AP3B1: variants seen among roughly 807,000 people sequenced by gnomAD.
AP3B1 encodes adaptor related protein complex 3 subunit beta 1.
Under a neutral mutation model 132.5 loss-of-function variants are expected in AP3B1, and 61 were observed. That is an observed-to-expected ratio of 0.46 (90% CI 0.37 to 0.57). The LOEUF (loss-of-function observed/expected upper bound fraction) is 0.57. Ranked by LOEUF, AP3B1 falls within the 20% of genes least tolerant of loss-of-function variation. The pLI, the probability that AP3B1 is intolerant of heterozygous loss-of-function variation, is 0.00. For missense variants in AP3B1, 1,120 were observed against 1,289.4 expected (o/e 0.87, Z 2.01); for synonymous variants, 388 against 438.3 (o/e 0.89, Z 1.43).
chr5:78,110,162 A>G (rs1397975454), intron 20 of AP3B1, 45 bp downstream of exon 20: 1 of 1,539,306 alleles, frequency 6.5e-7, no homozygotes, highest in Non-Finnish European at 8.9e-7. Flanking sequence ...TTTAGTTGCT[A>G]TAAGAATATT....
At chr5:78,193,750 A>ATATATCTATATC in intron 7 of AP3B1, among the ~76,000 whole-genome samples, 1 of 115,898 alleles carries the variant, frequency 8.6e-6, no homozygotes, top group Non-Finnish European at 1.8e-5. Flanking sequence ...TTTTTTATAT[A>ATATATCTATATC]TATATATATA....
chr5:78,029,796 G>A (rs1258205172), intron 24 of AP3B1, among the ~76,000 whole-genome samples: 1 of 152,036 alleles, frequency 6.6e-6, no homozygotes, highest in South Asian at 2.1e-4. Context: ...GCCACCACAC[G>A]CAGCTCTGAT....
At chr5:78,026,774 C>T (rs1747356353) in intron 24 of AP3B1, among the ~76,000 whole-genome samples, 1 of 152,212 alleles carries the variant, frequency 6.6e-6, no homozygotes, top group Non-Finnish European at 1.5e-5. Flanking sequence ...ATGTTTTTCT[C>T]TACCTTCCTG....
At chr5:78,007,590 C>T (rs542976796) in intron 26 of AP3B1, among the ~76,000 whole-genome samples, 1 of 152,274 alleles carries the variant, frequency 6.6e-6, no homozygotes, top group Admixed American at 6.5e-5. Flanking sequence ...GTAATGAAGT[C>T]GCACGATCAT....
At chr5:78,017,445 C>A (rs1421816536) in intron 25 of AP3B1, among the ~76,000 whole-genome samples, 3 of 151,874 alleles carry the variant, frequency 2.0e-5, no homozygotes, top group South Asian at 2.1e-4. Context: ...AATGTATTGT[C>A]TCGATTGCTG....
chr5:78,212,646 A>C (rs1745790006), intron 7 of AP3B1, among the ~76,000 whole-genome samples: 1 of 152,176 alleles, frequency 6.6e-6, no homozygotes, highest in African/African-American at 2.4e-5. Flanking sequence ...CAACACATTC[A>C]AGTGTTGATG....
chr5:78,228,298 CTA>C (rs1473849806), intron 3 of AP3B1, 59 bp from the exon 4 acceptor site: 2 of 1,206,998 alleles, frequency 1.7e-6, no homozygotes, highest in African/African-American at 3.0e-5. Context: ...TCAGTATTTG[CTA>C]TACCAAAATC....
chr5:78,071,775 A>G (rs1448794058), intron 22 of AP3B1, among the ~76,000 whole-genome samples: 1 of 152,154 alleles, frequency 6.6e-6, no homozygotes, highest in Non-Finnish European at 1.5e-5. Context: ...ATATTATTAC[A>G]TCTATATTTC....
chr5:78,294,127 G>T (rs1361116038), intron 1 of AP3B1, among the ~76,000 whole-genome samples: 1 of 152,164 alleles, frequency 6.6e-6, no homozygotes, highest in Non-Finnish European at 1.5e-5. Flanking sequence ...ACTAGAAGAC[G>T]ATGCTCAAAA....
chr5:78,294,687 G>T lies in AP3B1; in HGVS notation c.-108C>A. ...CTAGTTCTCGTACGGAGGAGCGCGC[G>T]CAGGCGCTTCCGGACTCGTCACGGC... On this transcript the variant is annotated 5_prime_UTR_variant, in exon 1 of 27. Coordinates refer to ENST00000255194, the MANE Select transcript of AP3B1 (RefSeq NM_003664.5). 6.4e-7 allele frequency: 1 copy of T among 1,569,314 alleles called. No homozygotes were observed. Among genetic ancestry groups the T allele is most frequent in the Non-Finnish European group, 8.7e-7 (1 of 1,152,416 alleles).
chr5:78,257,919 G>C (rs1458631870), intron 2 of AP3B1, among the ~76,000 whole-genome samples: 1 of 152,076 alleles, frequency 6.6e-6, no homozygotes, highest in Non-Finnish European at 1.5e-5. Context: ...GGAAAAGACA[G>C]TCTCTAATAA....
intron 2 of AP3B1, among the ~76,000 whole-genome samples, chr5:78,244,104 GA>G (rs1402938434): frequency 6.6e-6 from 1 of 152,172 alleles, no homozygotes; most frequent in Non-Finnish European, 1.5e-5. Flanking sequence ...ATATAAGAAA[GA>G]AGGGACATGA....
intron 22 of AP3B1, among the ~76,000 whole-genome samples, chr5:78,085,126 C>T (rs1750184777): frequency 1.3e-5 from 2 of 152,256 alleles, no homozygotes; most frequent in African/African-American, 2.4e-5. Context: ...ATTTTGATGG[C>T]TTTTTATACA....
At position 78,153,308 on chromosome 5, in the gene AP3B1, C is replaced by T. The variant is rs78947285; in HGVS notation, c.1473+2950G>A. ...AATAATGACCTTGTCTCTTCCTACA[C>T]TTTTTGTCTTTTATAAGTGTAGGAA... On this transcript the variant is annotated intron_variant, in intron 14 of 26. Transcript: ENST00000255194. 1.9e-3 allele frequency among the ~76,000 whole-genome samples: 285 copies of T among 152,118 alleles called. 1 individual carries two copies. Among genetic ancestry groups the T allele is most frequent in the African/African-American group, 6.6e-3 (272 of 41,526 alleles).
chr5:78,040,409 T>G (rs1429525279), intron 22 of AP3B1, among the ~76,000 whole-genome samples: 1 of 152,226 alleles, frequency 6.6e-6, no homozygotes, highest in Non-Finnish European at 1.5e-5. Flanking sequence ...TTTTATTTTT[T>G]GTAGACCTAC....
At chr5:78,207,149 T>C (rs185234511) in intron 7 of AP3B1, among the ~76,000 whole-genome samples, 156 of 151,748 alleles carry the variant, frequency 1.0e-3, no homozygotes, top group African/African-American at 3.6e-3. Context: ...TCCCAGCTAC[T>C]TGGGAGGCTG....
chr5:78,092,876 C>G (rs1004593456), intron 21 of AP3B1, among the ~76,000 whole-genome samples: 3 of 152,178 alleles, frequency 2.0e-5, no homozygotes. Flanking sequence ...TCTCGAACTC[C>G]CAACTTCAAG....
At chr5:78,039,765 G>A (rs1161674190) in intron 22 of AP3B1, among the ~76,000 whole-genome samples, 5 of 132,890 alleles carry the variant, frequency 3.8e-5, no homozygotes, top group African/African-American at 8.7e-5. Context: ...GCGACAGAGC[G>A]AGACTCCGTC....
At chr5:78,134,295 A>G (rs1369985409) in intron 15 of AP3B1, among the ~76,000 whole-genome samples, 1 of 152,068 alleles carries the variant, frequency 6.6e-6, no homozygotes, top group Non-Finnish European at 1.5e-5. Flanking sequence ...CTTAAAATAT[A>G]GTCCTAATAT....
Sources: gnomAD v4.1 joint callset for allele counts (sites outside exome capture counted in the v4.1 genomes callset) on GRCh38, gnomAD v4.1.1 for gene constraint, MANE v1.5 for transcripts, NCBI Gene and HGNC (gene_info 2026-07-23, HGNC 2026-07-21) for gene names.